The following AUTS2 variants were observed in gnomAD, a reference collection of about 807,000 sequenced individuals.
AUTS2 encodes the protein autism susceptibility gene 2 protein.
A neutral mutation model predicts 112.4 loss-of-function variants in AUTS2; 17 were observed. The observed-to-expected ratio is 0.15, with a 90% confidence interval of 0.10 to 0.23. AUTS2 has a LOEUF of 0.23. Ranked by LOEUF, AUTS2 falls within the 10% of genes least tolerant of loss-of-function variation. The probability of loss-of-function intolerance (pLI) is 1.00; values close to 1 mark genes in which losing one functional copy is unlikely to be tolerated. For missense variants in AUTS2, 1,510 were observed against 1,701.6 expected (o/e 0.89, Z 1.98); for synonymous variants, 751 against 702.7 (o/e 1.07, Z -1.09).
chr7:70,292,403 C>T (rs1190590248), intron 4 of AUTS2: 1 of 152,344 alleles, frequency 6.6e-6, no homozygotes, highest in Non-Finnish European at 1.5e-5. Context: ...CCGATAGCCT[C>T]TAATTATGTA....
intron 5 of AUTS2, among the ~76,000 whole-genome samples, chr7:70,621,725 A>T (rs1011991957): frequency 1.3e-5 from 2 of 152,102 alleles, no homozygotes; most frequent in African/African-American, 4.8e-5. Flanking sequence ...AGCAAAGATT[A>T]AGGAAAAAGG....
chr7:70,043,571 T>C (rs1801345069), intron 2 of AUTS2, among the ~76,000 whole-genome samples: 1 of 107,162 alleles, frequency 9.3e-6, no homozygotes, highest in African/African-American at 4.1e-5. Flanking sequence ...CTTCCTTCCT[T>C]CCTTCCTTCC....
chr7:70,420,408 C>T (rs1347246877), intron 4 of AUTS2, among the ~76,000 whole-genome samples: 1 of 152,178 alleles, frequency 6.6e-6, no homozygotes, highest in Non-Finnish European at 1.5e-5. Flanking sequence ...CATAGTGTTA[C>T]AGAGCAGCAG....
rs142360276 is a variant in AUTS2, at chr7:70,646,680, C to T, written c.691-51889C>T. On this transcript the variant is annotated intron_variant, in intron 5 of 18. Transcript: ENST00000342771. ...TGAATCATTGCCATTTGTGCGGCATCGAACAGACTGTGCCGCTGACAGCTG... is the reference window on the plus strand; with the variant it reads ...TGAATCATTGCCATTTGTGCGGCATTGAACAGACTGTGCCGCTGACAGCTG... Among the ~76,000 whole-genome samples, 1,074 of 152,338 alleles carry T rather than the reference C, an allele frequency of 7.1e-3. 9 individuals are homozygous for T. The highest frequency in any genetic ancestry group is 0.012 in the Non-Finnish European group (818 of 68,030).
intron 1 of AUTS2, among the ~76,000 whole-genome samples, chr7:69,827,725 C>T (rs984499328): frequency 2.0e-5 from 3 of 152,194 alleles, no homozygotes; most frequent in African/African-American, 7.2e-5. Context: ...TTTAAAGTCT[C>T]ATGAAATGAG....
At chr7:70,513,695 CT>C (rs1417264425) in intron 5 of AUTS2, among the ~76,000 whole-genome samples, 2 of 148,234 alleles carry the variant, frequency 1.3e-5, no homozygotes, top group Non-Finnish European at 3.0e-5. Flanking sequence ...GATGGAGTCA[CT>C]GTTGCTCAGG....
intron 4 of AUTS2, among the ~76,000 whole-genome samples, chr7:70,331,517 T>C (rs1400828102): frequency 1.2e-5 from 1 of 81,688 alleles, no homozygotes; most frequent in Admixed American, 1.3e-4. Context: ...GACTCATTGA[T>C]TTTTTTTTTT....
intron 13 of AUTS2, 32 bp from the exon 14 acceptor site, chr7:70,777,070 TC>T (rs1401661119): frequency 1.2e-6 from 2 of 1,606,258 alleles, no homozygotes; most frequent in African/African-American, 1.3e-5. Context: ...TGAAATGTCT[TC>T]CTCCTAACCA....
At chr7:70,328,470 C>T (rs754916643) in intron 4 of AUTS2, among the ~76,000 whole-genome samples, 2 of 152,134 alleles carry the variant, frequency 1.3e-5, no homozygotes, top group Non-Finnish European at 2.9e-5. Flanking sequence ...GATCTTCCCA[C>T]CTTTGTCTCC....
chr7:69,893,323 A>C (rs76314927), intron 1 of AUTS2, among the ~76,000 whole-genome samples: 5 of 152,188 alleles, frequency 3.3e-5, no homozygotes, highest in African/African-American at 4.8e-5. Context: ...TGTTGTGAAC[A>C]TATCTATCTA....
intron 1 of AUTS2, among the ~76,000 whole-genome samples, chr7:69,648,465 A>C (rs1379904110): frequency 1.3e-5 from 2 of 151,870 alleles, no homozygotes; most frequent in Admixed American, 6.6e-5. Context: ...AAAAAAAAAA[A>C]AAACTCCACG....
chr7:70,117,165 T>C (rs183931156), intron 2 of AUTS2, among the ~76,000 whole-genome samples: 172 of 148,910 alleles, frequency 1.2e-3, no homozygotes, highest in Middle Eastern at 3.4e-3. Flanking sequence ...GTACCATATC[T>C]TCAGCACTTA....
intron 2 of AUTS2, among the ~76,000 whole-genome samples, chr7:69,903,264 C>T (rs11770241): frequency 0.11 from 16,134 of 152,096 alleles, 1,275 homozygotes; most frequent in African/African-American, 0.22. Context: ...GTCGCTAAAC[C>T]GATAAGCCAA....
At chr7:70,204,487 C>CG (rs1270902657) in intron 4 of AUTS2, among the ~76,000 whole-genome samples, 2 of 151,800 alleles carry the variant, frequency 1.3e-5, no homozygotes, top group East Asian at 3.9e-4. Context: ...TATGTTTTGT[C>CG]GGGGGGTGGG....
At chr7:70,605,102 A>G (rs1431056789) in intron 5 of AUTS2, among the ~76,000 whole-genome samples, 24 of 152,072 alleles carry the variant, frequency 1.6e-4, no homozygotes, top group African/African-American at 4.8e-5. Flanking sequence ...CTCCTGCTCT[A>G]TGAGTCTTCA....
intron 1 of AUTS2, among the ~76,000 whole-genome samples, chr7:69,748,293 G>C (rs958891229): frequency 3.9e-5 from 6 of 152,172 alleles, no homozygotes; most frequent in African/African-American, 1.4e-4. Flanking sequence ...GCGTGTGTGG[G>C]GAGACCATAT....
chr7:69,783,242 G>A (rs1415245273), intron 1 of AUTS2, among the ~76,000 whole-genome samples: 1 of 151,916 alleles, frequency 6.6e-6, no homozygotes, highest in Admixed American at 6.6e-5. Flanking sequence ...TCATCCTTTG[G>A]AGATTAGAAC....
chr7:69,867,409 G>A (rs1793284538), intron 1 of AUTS2, among the ~76,000 whole-genome samples: 1 of 152,142 alleles, frequency 6.6e-6, no homozygotes, highest in Non-Finnish European at 1.5e-5. Context: ...ACATTTAATA[G>A]GAAGATGACT....
At chr7:70,029,203 T>G (rs1222989889) in intron 2 of AUTS2, among the ~76,000 whole-genome samples, 1 of 151,870 alleles carries the variant, frequency 6.6e-6, no homozygotes, top group Admixed American at 6.6e-5. Flanking sequence ...GAGTTAAATA[T>G]GGAGCACTCA....
Sources: allele counts gnomAD v4.1 joint callset (sites outside exome capture counted in the v4.1 genomes callset), GRCh38; gene constraint gnomAD v4.1.1; transcripts MANE v1.5; gene names NCBI Gene and HGNC (gene_info 2026-07-23, HGNC 2026-07-21).